The following DHX33 variants were observed in gnomAD, a reference collection of about 807,000 sequenced individuals.
The protein encoded by DHX33 is ATP-dependent RNA helicase DHX33.
A neutral mutation model predicts 72.5 loss-of-function variants in DHX33; 42 were observed. The ratio of observed to expected loss-of-function variants is 0.58; its 90% CI spans 0.45 to 0.75. The LOEUF (loss-of-function observed/expected upper bound fraction) is 0.75. Ranked by LOEUF, DHX33 falls within the 30% of genes least tolerant of loss-of-function variation. The pLI is 0.00. For missense variants in DHX33, 842 were observed against 917.5 expected, an observed-to-expected ratio of 0.92 and a Z score of 1.06; for synonymous variants, 358 against 366.1, an observed-to-expected ratio of 0.98 and a Z score of 0.25.
intron 8 of DHX33, among the ~76,000 whole-genome samples, chr17:5,453,130 A>G (rs1917023296): frequency 6.6e-6 from 1 of 152,220 alleles, no homozygotes; most frequent in Admixed American, 6.5e-5. Flanking sequence ...ATAAAAGTAC[A>G]ATTTCATTAC....
chr17:5,455,879 G>T, intron 5 of DHX33, 118 bp downstream of exon 5: 1 of 1,115,910 alleles, frequency 9.0e-7, no homozygotes, highest in Non-Finnish European at 1.3e-6. Context: ...CGCTGATCTG[G>T]CACCTGGGTA....
Position 5,460,981 on chromosome 17 carries a change from A to G in DHX33, c.807T>C (p.Asp269=), listed in dbSNP as rs1904573021. The part of the protein sequence containing the change: ...QVFYTKQPQN[D]YLHAALVSVF... Reference sequence around the variant, plus strand: ...CGGAGACAAGCGCGGCGTGCAGGTAATCATTCTGAGGCTGTTTGGTGTAAA... The same window carrying G: ...CGGAGACAAGCGCGGCGTGCAGGTAGTCATTCTGAGGCTGTTTGGTGTAAA... Residue 269 remains aspartate (D), a synonymous_variant, in exon 4 of 12, where the codon GAT becomes GAC. Coordinates refer to ENST00000225296, the MANE Select transcript of DHX33 (RefSeq NM_020162.4). 6.2e-7 allele frequency: 1 copy of G among 1,613,986 alleles called. No individual in the cohort carries two copies. Among genetic ancestry groups the G allele is most frequent in the East Asian group, 2.2e-5 (1 of 44,876 alleles).
At chr17:5,455,309 C>A (rs763116286) in intron 5 of DHX33, 38 bp from the exon 6 acceptor site, 1 of 1,539,072 alleles carries the variant, frequency 6.5e-7, no homozygotes, top group East Asian at 2.2e-5. Flanking sequence ...CGCATTGACA[C>A]ACGGATGATT....
At chr17:5,459,655 C>T (rs1359753603) in intron 4 of DHX33, among the ~76,000 whole-genome samples, 1 of 152,108 alleles carries the variant, frequency 6.6e-6, no homozygotes, top group Non-Finnish European at 1.5e-5. Context: ...TCTCAAACTC[C>T]TGAGCTCAAG....
chr17:5,454,997 G>A lies in DHX33; in HGVS notation c.1147+163C>T, dbSNP rs150597886. ...TTCCTGTCTCACATACCCGCCTCAG[G>A]ACTCCTTCGCGGACCTGGAGTGTAG... On this transcript the variant is annotated intron_variant, in intron 6 of 11. Coordinates refer to ENST00000225296, the MANE Select transcript of DHX33 (RefSeq NM_020162.4). 8.6e-3 allele frequency among the ~76,000 whole-genome samples: 1,306 copies of A among 152,218 alleles called. 18 individuals carry two copies. Among genetic ancestry groups the A allele is most frequent in the African/African-American group, 0.03 (1,228 of 41,534 alleles).
Position 5,445,906 on chromosome 17 carries a change from T to A in DHX33, c.1816-1393A>T, listed in dbSNP as rs1916641055. 1.3e-5 allele frequency among the ~76,000 whole-genome samples: 2 copies of A among 152,162 alleles called. 1 individual carries two copies. Among genetic ancestry groups the A allele is most frequent in the Admixed American group, 1.3e-4 (2 of 15,272 alleles). ...AGATACCTTTCCATCCTTGGAAGAA[T>A]CTTTATTTTGTCCTTTATGATGGCT... On this transcript the variant is annotated intron_variant, in intron 11 of 11. Coordinates refer to ENST00000225296, the MANE Select transcript of DHX33 (RefSeq NM_020162.4).
intron 4 of DHX33, among the ~76,000 whole-genome samples, chr17:5,460,333 G>C (rs532676206): frequency 6.6e-6 from 1 of 151,824 alleles, no homozygotes; most frequent in African/African-American, 2.4e-5. Context: ...TCTTAATGGC[G>C]GTTATAATCA....
At chr17:5,449,848 T>G (rs1178155325) in intron 10 of DHX33, among the ~76,000 whole-genome samples, 2 of 152,222 alleles carry the variant, frequency 1.3e-5, no homozygotes, top group Non-Finnish European at 2.9e-5. Flanking sequence ...ACTGAATAAA[T>G]GAGATCTTAC....
At chr17:5,461,566 T>C (rs370878061) in intron 3 of DHX33, among the ~76,000 whole-genome samples, 20 of 148,640 alleles carry the variant, frequency 1.3e-4, no homozygotes, top group East Asian at 6.0e-4. Flanking sequence ...TGCAGTGAGC[T>C]GAGATCGCGT....
chr17:5,453,704 C>A, intron 7 of DHX33, 36 bp from the exon 8 acceptor site: 1 of 1,612,950 alleles, frequency 6.2e-7, no homozygotes. Flanking sequence ...ATGACCTGAT[C>A]CCTCTGCCAT....
Position 5,456,088 on chromosome 17 carries a change from A to T in DHX33, c.944T>A (p.Leu315His). 6.2e-7 allele frequency: 1 copy of T among 1,613,928 alleles called. No individual in the cohort carries two copies. Among genetic ancestry groups the T allele is most frequent in the Non-Finnish European group, 8.5e-7 (1 of 1,180,010 alleles). The change falls in exon 5 of 12, where the codon CTC (leucine) becomes CAC (histidine). Residue 315 changes from leucine to histidine, a missense_variant. Leu to His is a moderately conservative substitution (Grantham distance 99). Coordinates refer to ENST00000225296, the MANE Select transcript of DHX33 (RefSeq NM_020162.4). ...CAGCATCGCAGGGCAGCCGTCTGGG[A>T]GGTGCTTTGCAATGTCTCGGCACGT... is the stretch of plus-strand genomic sequence containing the variant. ...SKTCRDIAKH[L>H]PDGCPAMLVL...
intron 11 of DHX33, 28 bp downstream of exon 11, chr17:5,448,781 C>T (rs1363048758): frequency 1.3e-6 from 2 of 1,543,200 alleles, no homozygotes; most frequent in Non-Finnish European, 1.8e-6. Flanking sequence ...AGCTTTGTCA[C>T]CCACAGAACA....
intron 3 of DHX33, among the ~76,000 whole-genome samples, chr17:5,461,539 A>G (rs564579077): frequency 6.6e-6 from 1 of 151,262 alleles, no homozygotes; most frequent in African/African-American, 2.4e-5. Context: ...AATGGCGTGA[A>G]CCTGGGAGGC....
In DHX33 at chr17:5,441,335, T is replaced by C. The variant is rs1187603612; in HGVS notation, c.*2870A>G. ...GCAGTCCTGCCCCTTGTAGTGTTACTCTGGGTGTTGCACACTCCATGATTA... is the reference window on the plus strand; with the variant it reads ...GCAGTCCTGCCCCTTGTAGTGTTACCCTGGGTGTTGCACACTCCATGATTA... On this transcript the variant is annotated 3_prime_UTR_variant, in exon 12 of 12. Transcript: ENST00000225296. The C allele has an allele frequency of 6.6e-6, 1 of 152,202 alleles. No individual in the cohort carries two copies. Among genetic ancestry groups the C allele is most frequent in the Non-Finnish European group, 1.5e-5 (1 of 68,044 alleles). The allele number at this position is 152,202 out of a possible 1,614,324, so 9.4% of individuals were successfully genotyped here. A position where few individuals can be genotyped will look rare whatever the true frequency, so the allele number is the denominator to read the frequency against.
chr17:5,447,235 G>T (rs1374443635), intron 11 of DHX33, among the ~76,000 whole-genome samples: 1 of 152,200 alleles, frequency 6.6e-6, no homozygotes, highest in Non-Finnish European at 1.5e-5. Flanking sequence ...AAAACTTTGT[G>T]GGCCGGGCAC....
chr17:5,456,635 T>TTTA (rs1344404526), intron 4 of DHX33, among the ~76,000 whole-genome samples: 15 of 152,150 alleles, frequency 9.9e-5, no homozygotes, highest in African/African-American at 3.4e-4. Context: ...GCCAGCTATG[T>TTTA]TTATAGGCCA....
At chr17:5,451,891 C>A (rs1216371852) in intron 8 of DHX33, among the ~76,000 whole-genome samples, 4 of 152,096 alleles carry the variant, frequency 2.6e-5, no homozygotes. Flanking sequence ...AAAGCATCAG[C>A]ACAAATATAC....
rs775566102 is a variant in DHX33, at chr17:5,444,451, G to A, written c.1878C>T (p.His626=). 8.1e-6 allele frequency: 13 copies of A among 1,614,096 alleles called. No individual in the cohort carries two copies. The highest frequency in any genetic ancestry group is 2.2e-5 in the South Asian group (2 of 91,086). Reference sequence around the variant, plus strand: ...GCTCGGCGGTGCTCATGAAGAGGCTGTGAGCCAGGCAGCGGCGGACACTCT... The same window carrying A: ...GCTCGGCGGTGCTCATGAAGAGGCTATGAGCCAGGCAGCGGCGGACACTCT... The part of the protein sequence containing the change: ...DVESVRRCLA[H]SLFMSTAELQ... The change falls in exon 12 of 12, where the codon CAC becomes CAT. Residue 626 remains histidine, a synonymous_variant. Transcript: ENST00000225296. This position sits in a 1 kb window ranked among gnomAD's most constrained non-coding sequence, Gnocchi z 4.9.
intron 5 of DHX33, 112 bp from the exon 6 acceptor site, chr17:5,455,383 G>A (rs1320206495): frequency 2.3e-6 from 2 of 871,748 alleles, no homozygotes; most frequent in Non-Finnish European, 3.7e-6. Flanking sequence ...AACAGAAGAT[G>A]ACTCCATTAT....
Sources: gnomAD v4.1 joint callset for allele counts (sites outside exome capture counted in the v4.1 genomes callset) on GRCh38, gnomAD v4.1.1 for gene constraint, Gnocchi (gnomAD v3.1) non-coding constraint, MANE v1.5 for transcripts, NCBI Gene and HGNC (gene_info 2026-07-23, HGNC 2026-07-21) for gene names.